The following ARAP2 variants were observed in gnomAD, a reference collection of about 807,000 sequenced individuals.
ARAP2 encodes ArfGAP with RhoGAP domain, ankyrin repeat and PH domain 2, also known as arf-GAP with Rho-GAP domain, ANK repeat and PH domain-containing protein 2.
In ARAP2, 148 loss-of-function variants were observed where a neutral mutation model predicts 194.5. The ratio of observed to expected loss-of-function variants is 0.76; its 90% CI spans 0.67 to 0.87. ARAP2 has a LOEUF of 0.87. ARAP2 is among the 40% of genes least tolerant of loss of function. ARAP2 has a pLI of 0.00. For missense variants in ARAP2, 2,128 were observed against 1,989.7 expected (o/e 1.07, Z -1.32); for synonymous variants, 695 against 683.5 (o/e 1.02, Z -0.26).
chr4:36,027,089 C>A (rs950039148), intron 5 of ARAP2, among the ~76,000 whole-genome samples: 1 of 152,172 alleles, frequency 6.6e-6, no homozygotes, highest in Non-Finnish European at 1.5e-5. Flanking sequence ...TCTTTTAAAT[C>A]TTTTGCAAGA....
chr4:36,043,015 G>A (rs1162647166), intron 5 of ARAP2, among the ~76,000 whole-genome samples: 3 of 151,862 alleles, frequency 2.0e-5, no homozygotes, highest in Admixed American at 6.6e-5. Context: ...ACTAATTTTT[G>A]TATTTTTAGT....
intron 27 of ARAP2, among the ~76,000 whole-genome samples, chr4:36,098,709 T>C (rs1309262668): frequency 6.6e-6 from 1 of 152,000 alleles, no homozygotes; most frequent in East Asian, 1.9e-4. Flanking sequence ...TTGAGAGAAA[T>C]CCTGTTTTCT....
intron 30 of ARAP2, among the ~76,000 whole-genome samples, chr4:36,081,556 G>A (rs1277898081): frequency 1.3e-5 from 2 of 152,108 alleles, no homozygotes; most frequent in East Asian, 1.9e-4. Flanking sequence ...GATCCTATAG[G>A]TGAAAGAATT....
chr4:36,091,761 C>T, intron 28 of ARAP2, 120 bp downstream of exon 28: 17 of 1,105,556 alleles, frequency 1.5e-5, no homozygotes, highest in Non-Finnish European at 2.1e-5. Flanking sequence ...AAATCATCAG[C>T]TTACCATGCA....
chr4:36,217,320 T>C (rs1748151661), intron 2 of ARAP2, among the ~76,000 whole-genome samples: 1 of 152,200 alleles, frequency 6.6e-6, no homozygotes, highest in South Asian at 2.1e-4. Flanking sequence ...GAGACCAGCC[T>C]GGCCAACATG....
intron 5 of ARAP2, among the ~76,000 whole-genome samples, chr4:36,029,322 G>A (rs953284443): frequency 7.9e-5 from 12 of 151,800 alleles, no homozygotes; most frequent in Non-Finnish European, 1.5e-4. Flanking sequence ...TATCATCATC[G>A]TACATTTTGG....
At chr4:36,186,627 C>CA (rs1740635092) in intron 8 of ARAP2, among the ~76,000 whole-genome samples, 1 of 152,236 alleles carries the variant, frequency 6.6e-6, no homozygotes, top group Non-Finnish European at 1.5e-5. Context: ...TCATCTGTAT[C>CA]TACAGCCACT....
intron 8 of ARAP2, among the ~76,000 whole-genome samples, chr4:36,179,954 C>A (rs1213763255): frequency 6.6e-6 from 1 of 152,126 alleles, no homozygotes; most frequent in Non-Finnish European, 1.5e-5. Flanking sequence ...TGCTTTATTG[C>A]AGGTGTTACA....
chr4:36,028,371 T>C (rs1012198303), intron 5 of ARAP2, among the ~76,000 whole-genome samples: 1 of 152,082 alleles, frequency 6.6e-6, no homozygotes, highest in African/African-American at 2.4e-5. Flanking sequence ...AATTTCTTTA[T>C]GGAAATAGCT....
chr4:36,071,606 GA>G, intron 32 of ARAP2, among the ~76,000 whole-genome samples: 1 of 151,340 alleles, frequency 6.6e-6, no homozygotes, highest in Non-Finnish European at 1.5e-5. Context: ...CAACTTCTTT[GA>G]AAAATAATTC....
chr4:36,107,809 C>T, intron 26 of ARAP2, 116 bp from the exon 27 acceptor site: 1 of 891,464 alleles, frequency 1.1e-6, no homozygotes, highest in Non-Finnish European at 1.6e-6. Context: ...ACATTATACA[C>T]AATCATATCT....
chr4:36,079,173 CAAAAA>C (rs34229260), intron 31 of ARAP2, among the ~76,000 whole-genome samples: 1 of 77,610 alleles, frequency 1.3e-5, no homozygotes, highest in Non-Finnish European at 2.3e-5. Context: ...GACTCTGTCT[CAAAAA>C]AAAAAAAAAA....
chr4:36,016,678 C>A (rs955332843), intron 6 of ARAP2, among the ~76,000 whole-genome samples: 5 of 152,114 alleles, frequency 3.3e-5, no homozygotes, highest in Admixed American at 6.6e-5. Flanking sequence ...CTTTTTGATA[C>A]TCTTTTAATT....
chr4:36,232,936 A>C (rs971550052), intron 1 of ARAP2, among the ~76,000 whole-genome samples: 1 of 152,210 alleles, frequency 6.6e-6, no homozygotes, highest in Non-Finnish European at 1.5e-5. Context: ...TGGCAGACAC[A>C]TACATACTTC....
chr4:36,198,869 G>C (rs1168819155), intron 6 of ARAP2, among the ~76,000 whole-genome samples: 1 of 152,332 alleles, frequency 6.6e-6, no homozygotes, highest in East Asian at 1.9e-4. Flanking sequence ...GGGAACACAG[G>C]GCTCCTGCCA....
intron 5 of ARAP2, among the ~76,000 whole-genome samples, chr4:36,033,865 T>C (rs1423469386): frequency 1.3e-5 from 2 of 152,188 alleles, no homozygotes. Context: ...CTTCTGCATA[T>C]GGCTAGCCAT....
In ARAP2 at chr4:36,187,925, T is replaced by C. The variant is rs73127463; in HGVS notation, c.1558-354A>G. ...AATGATTTTATGGTGTTTGCAGGCATCTGCTGGCCACAACAGGTACTGTAA... is the reference window on the plus strand; with the variant it reads ...AATGATTTTATGGTGTTTGCAGGCACCTGCTGGCCACAACAGGTACTGTAA... On this transcript the variant is annotated intron_variant, in intron 7 of 32. Coordinates refer to ENST00000303965, the MANE Select transcript of ARAP2 (RefSeq NM_015230.4). 6.9e-3 allele frequency among the ~76,000 whole-genome samples: 1,058 copies of C among 152,352 alleles called. 16 individuals are homozygous for C. The highest frequency in any genetic ancestry group is 0.024 in the African/African-American group (1,006 of 41,578).
At position 36,080,253 on chromosome 4, in the gene ARAP2, G is replaced by A. The variant is rs112538158; in HGVS notation, c.4571C>T (p.Thr1524Ile). ...GATACTGGTCATCCACTCCGTCTGA[G>A]TTCGTGAACTATCACAACACAGGTG... ...HWHLCCDSSR[T>I]QTEWMTSIFI... The change falls in exon 31 of 33, where the codon ACT (threonine) becomes ATT (isoleucine). Residue 1524 changes from threonine (T) to isoleucine (I), a missense_variant. Physicochemically the swap from Thr to Ile is moderately conservative, Grantham distance 89. Transcript: ENST00000303965. The A allele has an allele frequency of 1.2e-6, 2 of 1,613,166 alleles. No individual in the cohort carries two copies. The highest frequency in any genetic ancestry group is 1.7e-5 in the Admixed American group (1 of 59,970).
intron 1 of ARAP2, among the ~76,000 whole-genome samples, chr4:36,239,134 G>A (rs1426114125): frequency 6.6e-6 from 1 of 152,014 alleles, no homozygotes; most frequent in African/African-American, 2.4e-5. Context: ...AAATTAGCAG[G>A]GCATGGTGGC....
Sources: allele counts gnomAD v4.1 joint callset (sites outside exome capture counted in the v4.1 genomes callset), GRCh38; gene constraint gnomAD v4.1.1; transcripts MANE v1.5; gene names NCBI Gene and HGNC (gene_info 2026-07-23, HGNC 2026-07-21).